CLEC19A: variants seen among roughly 807,000 people sequenced by gnomAD.
The protein encoded by CLEC19A is C-type lectin domain containing 19A.
In CLEC19A, 21 loss-of-function variants were observed where a neutral mutation model predicts 26.1. The observed-to-expected ratio is 0.80, with a 90% confidence interval of 0.57 to 1.16. CLEC19A has a LOEUF of 1.16. Ranked by LOEUF, CLEC19A falls within the 50% of genes most tolerant of loss-of-function variation. The pLI, the probability that CLEC19A is intolerant of heterozygous loss-of-function variation, is 0.00. For synonymous variants in CLEC19A, 89 were observed against 88.6 expected (o/e 1.00, Z -0.03); for missense variants, 224 against 227.6 (o/e 0.98, Z 0.10).
chr16:19,309,042 T>G lies in CLEC19A; in HGVS notation c.520T>G (p.Phe174Val). ...SWNDNTCSRK[F>V]PFVCKIPSLT... ...GAATGATAACACCTGCAGCCGGAAG[T>G]TCCCCTTTGTCTGCAAAATCCCATC... The change falls in exon 5 of 5, where the codon TTC (phenylalanine) becomes GTC (valine). Residue 174 changes from phenylalanine to valine, a missense_variant. Coordinates refer to ENST00000636231, the MANE Select transcript of CLEC19A (RefSeq NM_001256720.2). 3 of 1,548,332 alleles carry G rather than the reference T, an allele frequency of 1.9e-6. No individual in the cohort carries two copies. Among genetic ancestry groups the G allele is most frequent in the Non-Finnish European group, 2.6e-6 (3 of 1,146,766 alleles).
intron 1 of CLEC19A, among the ~76,000 whole-genome samples, chr16:19,294,454 G>C (rs1369486212): frequency 1.3e-5 from 2 of 152,242 alleles, no homozygotes; most frequent in Admixed American, 1.3e-4. Flanking sequence ...AGGAGGGGAA[G>C]TCAGAGCTAT....
At chr16:19,305,403 A>G (rs1229561621) in intron 3 of CLEC19A, among the ~76,000 whole-genome samples, 2 of 152,180 alleles carry the variant, frequency 1.3e-5, no homozygotes, top group African/African-American at 4.8e-5. Context: ...GTGGGTGTAT[A>G]ATAAGGCTGA....
At chr16:19,294,593 A>G (rs1298531044) in intron 1 of CLEC19A, among the ~76,000 whole-genome samples, 1 of 152,198 alleles carries the variant, frequency 6.6e-6, no homozygotes, top group Non-Finnish European at 1.5e-5. Context: ...AAAGAAGTTT[A>G]CCTCATTCTA....
rs1237493122 is a variant in CLEC19A at position 19,309,965 on chromosome 16, C to T, written c.*882C>T. 6.6e-6 allele frequency: 1 copy of T among 151,948 alleles called. No homozygotes were observed. Among genetic ancestry groups the T allele is most frequent in the Non-Finnish European group, 1.5e-5 (1 of 67,994 alleles). The allele number at this position is 151,948 out of a possible 1,614,324, so 9.4% of individuals were successfully genotyped here. ...AGCCAAGAATACATCTTAAATATTC[C>T]CGTCAACACATGGGCTCAAAGATGA... On this transcript the variant is annotated 3_prime_UTR_variant, in exon 5 of 5. Transcript: ENST00000636231.
chr16:19,294,699 A>G (rs773221117), intron 1 of CLEC19A, among the ~76,000 whole-genome samples: 3 of 152,240 alleles, frequency 2.0e-5, no homozygotes, highest in Non-Finnish European at 4.4e-5. Flanking sequence ...CAATGTCTTC[A>G]GTGCTTTTAA....
chr16:19,307,325 G>C (rs1162061568), intron 3 of CLEC19A, among the ~76,000 whole-genome samples: 1 of 152,158 alleles, frequency 6.6e-6, no homozygotes, highest in Non-Finnish European at 1.5e-5. Context: ...TCCTGGCATG[G>C]CACATAATAA....
At chr16:19,291,588 T>C (rs920040495) in intron 1 of CLEC19A, among the ~76,000 whole-genome samples, 20 of 152,184 alleles carry the variant, frequency 1.3e-4, no homozygotes, top group African/African-American at 3.9e-4. Flanking sequence ...TGGCGCTGAT[T>C]GTTGTGTTGC....
intron 3 of CLEC19A, chr16:19,304,409 A>AAAG (rs1218103804): frequency 2.8e-6 from 1 of 361,212 alleles, no homozygotes; most frequent in African/African-American, 2.1e-5. Context: ...AAAAAAAAAA[A>AAAG]AAAAGACACT....
intron 2 of CLEC19A, among the ~76,000 whole-genome samples, chr16:19,301,091 G>T (rs1897809297): frequency 6.6e-6 from 1 of 152,212 alleles, no homozygotes; most frequent in Non-Finnish European, 1.5e-5. Flanking sequence ...AATTCTCAAA[G>T]AATTCCTAGC....
In CLEC19A at chr16:19,285,805, C is replaced by G; in HGVS notation, c.-47C>G. 6.6e-7 allele frequency: 1 copy of G among 1,518,966 alleles called. No individual in the cohort carries two copies. The highest frequency in any genetic ancestry group is 8.9e-7 in the Non-Finnish European group (1 of 1,119,124). The allele number at this position is 1,518,966 out of a possible 1,614,324, so 94.1% of individuals were successfully genotyped here. A position where few individuals can be genotyped will look rare whatever the true frequency, so the allele number is the denominator to read the frequency against. Reference sequence around the variant, plus strand: ...CTGGACCCAAGCTCCAGCCAAAAAGCCTCTCTCCTCCACTCAGGCTGGGAG... The same window carrying G: ...CTGGACCCAAGCTCCAGCCAAAAAGGCTCTCTCCTCCACTCAGGCTGGGAG... On this transcript the variant is annotated 5_prime_UTR_variant, in exon 1 of 5. Transcript: ENST00000636231.
intron 1 of CLEC19A, among the ~76,000 whole-genome samples, chr16:19,286,726 T>C (rs764689090): frequency 5.9e-5 from 9 of 152,212 alleles, no homozygotes; most frequent in Non-Finnish European, 1.2e-4. Flanking sequence ...TTTATGTTCA[T>C]ATATGGATTT....
chr16:19,293,906 A>G (rs1897647089), intron 1 of CLEC19A, among the ~76,000 whole-genome samples: 2 of 152,154 alleles, frequency 1.3e-5, no homozygotes, highest in Middle Eastern at 3.4e-3. Context: ...TGTTACAAAC[A>G]CTCCAATTAT....
At position 19,309,028 on chromosome 16, in the gene CLEC19A, C is replaced by T. The variant is rs1898012454; in HGVS notation, c.506C>T (p.Thr169Ile). Reference sequence around the variant, plus strand: ...GCTCTGAGGTCATGGAATGATAACACCTGCAGCCGGAAGTTCCCCTTTGTC... The same window carrying T: ...GCTCTGAGGTCATGGAATGATAACATCTGCAGCCGGAAGTTCCCCTTTGTC... Reference protein sequence around the residue: ...TSALRSWNDNTCSRKFPFVCK... With the variant: ...TSALRSWNDNICSRKFPFVCK... Residue 169 changes from threonine (T) to isoleucine (I), a missense_variant, in exon 5 of 5, where the codon ACC (threonine) becomes ATC (isoleucine). Thr to Ile is a moderately conservative substitution (Grantham distance 89). Transcript: ENST00000636231. The T allele has an allele frequency of 1.9e-6, 3 of 1,548,260 alleles. No homozygotes were observed. The highest frequency in any genetic ancestry group is 2.0e-5 in the Admixed American group (1 of 50,980).
chr16:19,286,049 C>A, intron 1 of CLEC19A, 110 bp downstream of exon 1: 2 of 1,021,144 alleles, frequency 2.0e-6, no homozygotes, highest in East Asian at 2.6e-5. Context: ...GTGGCCTGAC[C>A]CGAGTCTCCT....
At chr16:19,291,080 C>G (rs1428213358) in intron 1 of CLEC19A, among the ~76,000 whole-genome samples, 9 of 152,162 alleles carry the variant, frequency 5.9e-5, no homozygotes, top group Admixed American at 4.6e-4. Flanking sequence ...TGGCCTCAAA[C>G]GATCCTCCTG....
At position 19,291,533 on chromosome 16, in the gene CLEC19A, G is replaced by A. The variant is rs192153807; in HGVS notation, c.88+5594G>A. 1.2e-4 allele frequency among the ~76,000 whole-genome samples: 19 copies of A among 152,298 alleles called. No individual in the cohort carries two copies. The East Asian group carries it at 2.7e-3, about 22-fold the overall frequency. On this transcript the variant is annotated intron_variant, in intron 1 of 4. Coordinates refer to ENST00000636231, the MANE Select transcript of CLEC19A (RefSeq NM_001256720.2). ...GATTGAGTGTATTTTTCTGTATCAA[G>A]CATTTAACACAATGCCTGGCACACA...
intron 2 of CLEC19A, among the ~76,000 whole-genome samples, chr16:19,301,816 C>A (rs1052301448): frequency 3.8e-5 from 5 of 130,546 alleles, no homozygotes; most frequent in African/African-American, 1.4e-4. Flanking sequence ...TGGTCTCAAT[C>A]TCTTGACCTC....
At chr16:19,298,915 C>A (rs1254046073) in intron 2 of CLEC19A, 77 bp downstream of exon 2, 2 of 1,393,114 alleles carry the variant, frequency 1.4e-6, no homozygotes, top group Non-Finnish European at 1.9e-6. Context: ...GTATTTCCAA[C>A]TGGCATTTCT....
Position 19,291,381 on chromosome 16 carries a change from C to G in CLEC19A, c.88+5442C>G, listed in dbSNP as rs117180962. ...AGGACTCTCTAGGTTTGGAGCTAGA[C>G]AGGCTGGCTTCAAATCCCAGCTGGG... On this transcript the variant is annotated intron_variant, in intron 1 of 4. Transcript: ENST00000636231. 5.9e-3 allele frequency among the ~76,000 whole-genome samples: 896 copies of G among 152,374 alleles called. 7 individuals carry two copies. The highest frequency in any genetic ancestry group is 7.6e-3 in the Non-Finnish European group (517 of 68,038).
Sources: gnomAD v4.1 joint callset for allele counts (sites outside exome capture counted in the v4.1 genomes callset) on GRCh38, gnomAD v4.1.1 for gene constraint, MANE v1.5 for transcripts, NCBI Gene and HGNC (gene_info 2026-07-23, HGNC 2026-07-21) for gene names.